The following KCNQ5 variants were observed in gnomAD, a reference collection of about 807,000 sequenced individuals.
KCNQ5 encodes the protein potassium voltage-gated channel subfamily Q member 5.
KCNQ5 carries 30 observed loss-of-function variants against 98.2 expected under a neutral mutation model. The ratio of observed to expected loss-of-function variants is 0.31; its 90% CI spans 0.23 to 0.41. The LOEUF is 0.41. KCNQ5 is among the 10% of genes least tolerant of loss of function. The pLI is 1.00. For missense variants in KCNQ5, 835 were observed against 1,182.5 expected, an observed-to-expected ratio of 0.71 and a Z score of 4.31; for synonymous variants, 458 against 449.4, an observed-to-expected ratio of 1.02 and a Z score of -0.24.
chr6:73,108,967 G>A (rs1775116797), intron 6 of KCNQ5, among the ~76,000 whole-genome samples: 1 of 152,142 alleles, frequency 6.6e-6, no homozygotes, highest in Non-Finnish European at 1.5e-5. Context: ...GTATTTGAAG[G>A]GATGACATAT....
At chr6:72,780,362 G>T (rs977774620) in intron 1 of KCNQ5, among the ~76,000 whole-genome samples, 49 of 152,332 alleles carry the variant, frequency 3.2e-4, no homozygotes, top group Non-Finnish European at 5.9e-4. Flanking sequence ...CACAAGAGAA[G>T]ATATGCCAAT....
intron 1 of KCNQ5, among the ~76,000 whole-genome samples, chr6:72,661,155 G>A (rs1766504606): frequency 6.6e-6 from 1 of 151,612 alleles, no homozygotes; most frequent in East Asian, 1.9e-4. Flanking sequence ...CCCTCTTGTC[G>A]AGAACTGAGC....
At chr6:72,984,910 A>C (rs1436885603) in intron 1 of KCNQ5, among the ~76,000 whole-genome samples, 1 of 152,206 alleles carries the variant, frequency 6.6e-6, no homozygotes, top group African/African-American at 2.4e-5. Context: ...GAGAGGGCCT[A>C]TAAGAAAAGC....
intron 1 of KCNQ5, among the ~76,000 whole-genome samples, chr6:72,857,335 A>G (rs1482429544): frequency 6.6e-6 from 1 of 152,172 alleles, no homozygotes. Flanking sequence ...TGTTTATATT[A>G]AAAAATTTTA....
Position 72,666,169 on chromosome 6 carries a change from A to G in KCNQ5, c.398+43582A>G, listed in dbSNP as rs114119013. On this transcript the variant is annotated intron_variant, in intron 1 of 13. Transcript: ENST00000370398. ...AGATTTGAGGAGGTTATTTCCACAC[A>G]TTAAAAGGTAAAGTTAAATATCATT... Among the ~76,000 whole-genome samples, 361 of 152,268 alleles carry G rather than the reference A, an allele frequency of 2.4e-3. 1 individual carries two copies. The highest frequency in any genetic ancestry group is 8.2e-3 in the African/African-American group (339 of 41,580).
At chr6:72,916,857 GC>G (rs1780167595) in intron 1 of KCNQ5, among the ~76,000 whole-genome samples, 1 of 152,180 alleles carries the variant, frequency 6.6e-6, no homozygotes. Context: ...CTAAGATGGA[GC>G]CTCAAGTGTT....
intron 1 of KCNQ5, among the ~76,000 whole-genome samples, chr6:72,750,366 A>T (rs374756523): frequency 2.8e-3 from 422 of 152,224 alleles, no homozygotes; most frequent in African/African-American, 9.6e-3. Flanking sequence ...GTTTTCAGAA[A>T]AGGAAATACC....
chr6:73,192,480 A>AT (rs548897739), intron 12 of KCNQ5, 85 bp from the exon 13 acceptor site: 1,215 of 1,186,296 alleles, frequency 1.0e-3, no homozygotes, highest in South Asian at 1.2e-3. Context: ...ACTGTATTTA[A>AT]TTTTTTTTTC....
At chr6:72,778,727 T>G (rs1773295929) in intron 1 of KCNQ5, among the ~76,000 whole-genome samples, 1 of 152,130 alleles carries the variant, frequency 6.6e-6, no homozygotes, top group Non-Finnish European at 1.5e-5. Context: ...TAAATACAAT[T>G]TATATTTGTC....
intron 1 of KCNQ5, among the ~76,000 whole-genome samples, chr6:72,644,680 G>A (rs1765496944): frequency 6.6e-6 from 1 of 152,084 alleles, no homozygotes; most frequent in Non-Finnish European, 1.5e-5. Flanking sequence ...ATAGGGCTGT[G>A]GGGAAGGAAT....
At chr6:72,852,067 C>A (rs1442308800) in intron 1 of KCNQ5, among the ~76,000 whole-genome samples, 1 of 151,982 alleles carries the variant, frequency 6.6e-6, no homozygotes. Flanking sequence ...AATTAATAAA[C>A]AGCAAGGTTC....
intron 1 of KCNQ5, among the ~76,000 whole-genome samples, chr6:72,697,222 A>G (rs1479868282): frequency 6.6e-6 from 1 of 152,320 alleles, no homozygotes; most frequent in African/African-American, 2.4e-5. Context: ...TTTGTAGCTC[A>G]GATAGGATGG....
intron 1 of KCNQ5, among the ~76,000 whole-genome samples, chr6:72,882,820 C>T (rs1367499423): frequency 6.6e-6 from 1 of 152,048 alleles, no homozygotes; most frequent in Non-Finnish European, 1.5e-5. Flanking sequence ...TGGGTTGGTG[C>T]TGATTATGAG....
intron 2 of KCNQ5, among the ~76,000 whole-genome samples, chr6:73,023,774 G>A (rs923715334): frequency 4.6e-5 from 7 of 152,170 alleles, no homozygotes; most frequent in African/African-American, 1.7e-4. Flanking sequence ...TGGGGATGGC[G>A]TCTTCTTCCT....
At chr6:72,929,542 T>C (rs1468319295) in intron 1 of KCNQ5, among the ~76,000 whole-genome samples, 5 of 152,140 alleles carry the variant, frequency 3.3e-5, no homozygotes, top group African/African-American at 4.8e-5. Flanking sequence ...AACTGCAAAA[T>C]TGTCAATTTA....
intron 3 of KCNQ5, among the ~76,000 whole-genome samples, chr6:73,068,756 A>G (rs1773177477): frequency 6.6e-6 from 1 of 152,158 alleles, no homozygotes; most frequent in South Asian, 2.1e-4. Flanking sequence ...ATTGGTTCTC[A>G]TTTTTTATAC....
At chr6:73,118,887 G>A (rs944368003) in intron 7 of KCNQ5, among the ~76,000 whole-genome samples, 8 of 152,264 alleles carry the variant, frequency 5.3e-5, no homozygotes, top group South Asian at 2.1e-4. Flanking sequence ...TGGATGTGGT[G>A]GTGCGTGCCT....
chr6:73,138,393 C>T (rs1021336310), intron 10 of KCNQ5, among the ~76,000 whole-genome samples: 1 of 152,136 alleles, frequency 6.6e-6, no homozygotes, highest in Non-Finnish European at 1.5e-5. Flanking sequence ...CTTACTGAAC[C>T]CCACTGCATT....
At chr6:72,958,184 G>T (rs1767177595) in intron 1 of KCNQ5, among the ~76,000 whole-genome samples, 1 of 152,072 alleles carries the variant, frequency 6.6e-6, no homozygotes, top group Admixed American at 6.5e-5. Flanking sequence ...CATTACAAGA[G>T]AACAGTTTGA....
Sources: allele counts gnomAD v4.1 joint callset (sites outside exome capture counted in the v4.1 genomes callset), GRCh38; gene constraint gnomAD v4.1.1; transcripts MANE v1.5; gene names NCBI Gene and HGNC (gene_info 2026-07-23, HGNC 2026-07-21).